The following CRB1 variants were observed in gnomAD, a reference collection of about 807,000 sequenced individuals.
CRB1 encodes the protein protein crumbs homolog 1.
In CRB1, 83 loss-of-function variants were observed where a neutral mutation model predicts 120.0. The observed-to-expected ratio is 0.69, with a 90% CI of 0.58 to 0.83. The LOEUF (loss-of-function observed/expected upper bound fraction) is 0.83. CRB1 is among the 40% of genes least tolerant of loss of function. The pLI, the probability that CRB1 is intolerant of heterozygous loss-of-function variation, is 0.00. For missense variants in CRB1, 1,699 were observed against 1,687.6 expected (o/e 1.01, Z -0.12); for synonymous variants, 625 against 612.5 (o/e 1.02, Z -0.30).
At chr1:197,300,149 A>G (rs1656781239) in intron 1 of CRB1, among the ~76,000 whole-genome samples, 2 of 151,786 alleles carry the variant, frequency 1.3e-5, no homozygotes, top group Non-Finnish European at 2.9e-5. Flanking sequence ...ACTAAACAAT[A>G]TTGAAATTAG....
chr1:197,227,419 G>C, the CRB1 span, among the ~76,000 whole-genome samples: 1 of 147,240 alleles, frequency 6.8e-6, no homozygotes, highest in Non-Finnish European at 1.5e-5. Context: ...TTGAGATGGA[G>C]TCTCGCTCAT....
intron 11 of CRB1, among the ~76,000 whole-genome samples, chr1:197,458,440 C>A (rs1666379651): frequency 6.6e-6 from 1 of 151,984 alleles, no homozygotes; most frequent in Non-Finnish European, 1.5e-5. Context: ...TTCAGTTGAG[C>A]CTGAAGGGTT....
chr1:197,242,238 C>A, the CRB1 span, among the ~76,000 whole-genome samples: 1 of 152,092 alleles, frequency 6.6e-6, no homozygotes, highest in African/African-American at 2.4e-5. Context: ...TGAAAGAGGA[C>A]ATTCTTGTCT....
chr1:197,435,244 A>G lies in CRB1; in HGVS notation c.3381A>G (p.Lys1127=), dbSNP rs1327880181. 3.7e-6 allele frequency: 6 copies of G among 1,613,868 alleles called. No individual in the cohort carries two copies. The Admixed American group carries it at 1.0e-4, about 27-fold the overall frequency. The change falls in exon 9 of 12, where the codon AAA becomes AAG. Residue 1127 remains lysine (K), a synonymous_variant. Coordinates refer to ENST00000367400, the MANE Select transcript of CRB1 (RefSeq NM_201253.3). ...INKPQEEQFL[K]ISTNSVVTGC... Reference sequence around the variant, plus strand: ...AACCTCAGGAAGAGCAATTTCTCAAAATCTCTACCAATTCAGTGGTCACTG... The same window carrying G: ...AACCTCAGGAAGAGCAATTTCTCAAGATCTCTACCAATTCAGTGGTCACTG...
chr1:197,458,111 A>C (rs937062452), intron 11 of CRB1, among the ~76,000 whole-genome samples: 2 of 152,124 alleles, frequency 1.3e-5, no homozygotes, highest in Non-Finnish European at 2.9e-5. Context: ...AAAGGGAAGA[A>C]AGGAAACTTA....
At chr1:197,294,307 GA>G (rs970483829) in intron 1 of CRB1, among the ~76,000 whole-genome samples, 4 of 151,858 alleles carry the variant, frequency 2.6e-5, no homozygotes, top group Middle Eastern at 3.4e-3. Flanking sequence ...ACAGACACAC[GA>G]AAAAAAATAT....
chr1:197,344,379 GC>G lies in CRB1; in HGVS notation c.755del (p.Pro252LeufsTer50). 6.2e-7 allele frequency: 1 copy of G among 1,614,090 alleles called. No individual in the cohort carries two copies. The highest frequency in any genetic ancestry group is 8.5e-7 in the Non-Finnish European group (1 of 1,179,980). ...DALGAYFCDC[A>X]PGFLGDHCEL... Reference sequence around the variant, plus strand: ...TCTGGGGGCCTATTTCTGCGACTGTGCCCCTGGATTCCTGGGGGATCACTGT... The same window carrying G: ...TCTGGGGGCCTATTTCTGCGACTGTGCCCTGGATTCCTGGGGGATCACTGT... On this transcript the variant is annotated frameshift_variant, in exon 3 of 12. Coordinates refer to ENST00000367400, the MANE Select transcript of CRB1 (RefSeq NM_201253.3). LOFTEE classifies it high-confidence loss of function.
the CRB1 span, among the ~76,000 whole-genome samples, chr1:197,234,468 C>T: frequency 6.6e-6 from 1 of 152,320 alleles, no homozygotes; most frequent in East Asian, 1.9e-4. Context: ...CAGACTGCAA[C>T]CTCAGGCAAC....
At chr1:197,331,076 T>C (rs1172991122) in intron 2 of CRB1, among the ~76,000 whole-genome samples, 1 of 151,636 alleles carries the variant, frequency 6.6e-6, no homozygotes, top group Non-Finnish European at 1.5e-5. Flanking sequence ...CAGCTACTCA[T>C]GAACCCGGGA....
Position 197,272,998 on chromosome 1 carries a change from G to A in CRB1, c.70+4516G>A, listed in dbSNP as rs569829902. Among the ~76,000 whole-genome samples the A allele has an allele frequency of 5.3e-5, 8 of 152,246 alleles. No individual in the cohort carries two copies. In the East Asian group the frequency reaches 1.5e-3, roughly 29 times the overall value. The stretch of plus-strand genomic sequence containing the variant: ...AAATGTATGAGATAATCTCACAGAA[G>A]GGGTTGGGGAAAAACTGTTCACCTA... On this transcript the variant is annotated intron_variant, in intron 1 of 11. Transcript: ENST00000367400.
the CRB1 span, chr1:197,222,484 G>C: frequency 1.3e-6 from 1 of 768,982 alleles, no homozygotes; most frequent in Middle Eastern, 3.6e-4. Context: ...CCACCAGGCA[G>C]TGTCATTTCA....
intron 5 of CRB1, among the ~76,000 whole-genome samples, chr1:197,404,238 G>A (rs1571483318): frequency 6.6e-6 from 1 of 152,118 alleles, no homozygotes; most frequent in Admixed American, 6.5e-5. Flanking sequence ...CAGACCCAGG[G>A]CTCTGAGCCT....
intron 1 of CRB1, among the ~76,000 whole-genome samples, chr1:197,311,861 A>G (rs1336892383): frequency 1.3e-5 from 2 of 152,068 alleles, no homozygotes; most frequent in East Asian, 1.9e-4. Flanking sequence ...TCTGTTTCTT[A>G]TAGATTTGTA....
chr1:197,329,111 A>C, intron 2 of CRB1, 108 bp downstream of exon 2: 5 of 937,792 alleles, frequency 5.3e-6, no homozygotes, highest in Non-Finnish European at 6.7e-6. Flanking sequence ...AAAATGGCCA[A>C]GTTCTTGACA....
chr1:197,388,393 A>C (rs1318059747), intron 5 of CRB1, among the ~76,000 whole-genome samples: 1 of 152,058 alleles, frequency 6.6e-6, no homozygotes, highest in Non-Finnish European at 1.5e-5. Flanking sequence ...AAAAAAACTC[A>C]ATTTCACAGC....
chr1:197,323,142 A>G (rs138348981), intron 1 of CRB1, among the ~76,000 whole-genome samples: 7 of 152,300 alleles, frequency 4.6e-5, no homozygotes, highest in African/African-American at 1.4e-4. Flanking sequence ...TGCCAATACT[A>G]TTTTGATGTA....
At chr1:197,248,279 A>G in the CRB1 span, among the ~76,000 whole-genome samples, 1 of 152,030 alleles carries the variant, frequency 6.6e-6, no homozygotes, top group Non-Finnish European at 1.5e-5. Context: ...TAATTAAATA[A>G]TTATTGTATA....
the CRB1 span, among the ~76,000 whole-genome samples, chr1:197,252,538 T>TTATATA: frequency 1.9e-3 from 52 of 27,808 alleles, no homozygotes; most frequent in East Asian, 3.2e-3. Flanking sequence ...CCAATAGATT[T>TTATATA]TATATATATA....
At chr1:197,295,494 A>G (rs533854671) in intron 1 of CRB1, among the ~76,000 whole-genome samples, 2 of 152,124 alleles carry the variant, frequency 1.3e-5, no homozygotes, top group African/African-American at 2.4e-5. Context: ...CAAGTAAAAA[A>G]TTTTTGAGCC....
Sources: allele counts gnomAD v4.1 joint callset (sites outside exome capture counted in the v4.1 genomes callset), GRCh38; gene constraint gnomAD v4.1.1; transcripts MANE v1.5; gene names NCBI Gene and HGNC (gene_info 2026-07-23, HGNC 2026-07-21).